The following PPP1R42 variants were observed in gnomAD, a reference collection of about 807,000 sequenced individuals.
PPP1R42 encodes protein phosphatase 1 regulatory subunit 42, also known as leucine rich repeat containing 67.
In PPP1R42, 34 loss-of-function variants were observed where a neutral mutation model predicts 31.0. The ratio of observed to expected loss-of-function variants is 1.10; its 90% CI spans 0.83 to 1.46. The LOEUF is 1.46. PPP1R42 is among the 40% of genes most tolerant of loss of function. The pLI, the probability that PPP1R42 is intolerant of heterozygous loss-of-function variation, is 0.00. For synonymous variants in PPP1R42, 103 were observed against 109.8 expected, an observed-to-expected ratio of 0.94 and a Z score of 0.39; for missense variants, 268 against 303.0, an observed-to-expected ratio of 0.88 and a Z score of 0.86.
intron 7 of PPP1R42, among the ~76,000 whole-genome samples, chr8:66,974,324 G>A (rs1355875413): frequency 6.6e-6 from 1 of 152,156 alleles, no homozygotes; most frequent in African/African-American, 2.4e-5. Context: ...GGGGGCTGAG[G>A]CAGGTGGATC....
Position 66,985,553 on chromosome 8 carries a change from T to C in PPP1R42, c.670+2847A>G, listed in dbSNP as rs1178547242. The C allele has an allele frequency of 3.0e-6, 4 of 1,324,110 alleles. No homozygotes were observed. The Admixed American group carries it at 6.8e-5, about 22-fold the overall frequency. 82.0% of individuals were successfully genotyped at this position (1,324,110 alleles called of 1,614,324 possible). A position where few individuals can be genotyped will look rare whatever the true frequency, so the allele number is the denominator to read the frequency against. On this transcript the variant is annotated intron_variant, in intron 6 of 7. Coordinates refer to ENST00000685739, the MANE Select transcript of PPP1R42 (RefSeq NM_001364910.1). ...TTAGACGGGCCCACCATGTTGGCAT[T>C]GCTGATGAGTCCTGGCTTCAGTGCC...
chr8:67,001,141 T>C lies in PPP1R42; in HGVS notation c.552+9574A>G, dbSNP rs186758423. Among the ~76,000 whole-genome samples, 9 of 151,920 alleles carry C rather than the reference T, an allele frequency of 5.9e-5. No individual in the cohort carries two copies. The East Asian group carries it at 1.7e-3, about 29-fold the overall frequency. ...TTTCATTTTTCATATTATTTGTGTTTGCAGTATATTTTTTTCATAATTTTA... is the reference window on the plus strand; with the variant it reads ...TTTCATTTTTCATATTATTTGTGTTCGCAGTATATTTTTTTCATAATTTTA... On this transcript the variant is annotated intron_variant, in intron 5 of 7. Transcript: ENST00000685739.
At chr8:67,011,872 GA>G in intron 4 of PPP1R42, among the ~76,000 whole-genome samples, 1 of 152,152 alleles carries the variant, frequency 6.6e-6, no homozygotes, top group South Asian at 2.1e-4. Context: ...CCAACCTTTA[GA>G]AAAAATATTT....
chr8:66,990,224 T>C (rs752509206), intron 5 of PPP1R42, among the ~76,000 whole-genome samples: 3 of 152,216 alleles, frequency 2.0e-5, no homozygotes, highest in Non-Finnish European at 2.9e-5. Context: ...AGGGATTATG[T>C]ATCACATTTT....
chr8:66,975,031 T>G (rs1223273948), intron 7 of PPP1R42, among the ~76,000 whole-genome samples: 3 of 152,204 alleles, frequency 2.0e-5, no homozygotes, highest in Non-Finnish European at 4.4e-5. Context: ...AAAAATGCAA[T>G]TGGGATTTTG....
chr8:67,018,365 G>A (rs1816083321), intron 1 of PPP1R42, among the ~76,000 whole-genome samples: 1 of 151,596 alleles, frequency 6.6e-6, no homozygotes, highest in East Asian at 2.0e-4. Flanking sequence ...CAATTGGCCC[G>A]CCTCGGCCTC....
intron 7 of PPP1R42, among the ~76,000 whole-genome samples, chr8:66,976,465 A>T (rs1057329817): frequency 3.3e-5 from 5 of 152,176 alleles, no homozygotes; most frequent in Non-Finnish European, 7.3e-5. Context: ...GACAGCTGCT[A>T]TAGAACTCTA....
intron 7 of PPP1R42, chr8:66,970,908 C>T (rs1233318013): frequency 1.8e-6 from 2 of 1,113,016 alleles, no homozygotes; most frequent in South Asian, 1.3e-5. Flanking sequence ...GCCTCTGTTC[C>T]TCTTTGTTTA....
chr8:67,004,054 C>T (rs1301912564), intron 5 of PPP1R42, among the ~76,000 whole-genome samples: 3 of 150,448 alleles, frequency 2.0e-5, no homozygotes, highest in Admixed American at 2.0e-4. Context: ...GGCACCACTG[C>T]ACTCCAGCCT....
intron 7 of PPP1R42, among the ~76,000 whole-genome samples, chr8:66,978,800 C>T (rs920684014): frequency 2.6e-5 from 4 of 152,116 alleles, no homozygotes; most frequent in African/African-American, 9.7e-5. Flanking sequence ...TGATTTGCAT[C>T]CTGATGATTA....
At chr8:66,972,235 C>T (rs745352837) in intron 7 of PPP1R42, among the ~76,000 whole-genome samples, 21 of 152,188 alleles carry the variant, frequency 1.4e-4, no homozygotes, top group Non-Finnish European at 2.6e-4. Context: ...AGGTTTGTAC[C>T]ATCTGTTTGG....
At chr8:66,991,517 T>C (rs964834635) in intron 5 of PPP1R42, among the ~76,000 whole-genome samples, 1 of 152,230 alleles carries the variant, frequency 6.6e-6, no homozygotes, top group Admixed American at 6.5e-5. Flanking sequence ...TCTTTCGCCT[T>C]CTCTTCAGTG....
In PPP1R42 at chr8:67,007,181, G is replaced by A. The variant is rs551679448; in HGVS notation, c.552+3534C>T. 1.5e-3 allele frequency among the ~76,000 whole-genome samples: 223 copies of A among 152,018 alleles called. 1 individual carries two copies. The highest frequency in any genetic ancestry group is 2.8e-3 in the Non-Finnish European group (187 of 67,936). On this transcript the variant is annotated intron_variant, in intron 5 of 7. Transcript: ENST00000685739. ...GCGTGAGCCACTGTGCCTGGCCGAG[G>A]GTAGAGACTTTGTCTTATTTATCAT...
intron 6 of PPP1R42, chr8:66,985,360 G>A (rs528632033): frequency 2.5e-5 from 19 of 762,660 alleles, no homozygotes; most frequent in African/African-American, 1.2e-4. Context: ...GGTTCCCTCC[G>A]AAGAGGGAAC....
chr8:67,018,814 G>GCCCCC (rs55943057), intron 1 of PPP1R42, among the ~76,000 whole-genome samples: 1 of 3,648 alleles, frequency 2.7e-4, no homozygotes, highest in Non-Finnish European at 5.4e-4. Flanking sequence ...CCTGGCCCCC[G>GCCCCC]CCCCCCCCCC....
intron 4 of PPP1R42, among the ~76,000 whole-genome samples, chr8:67,011,707 T>G (rs1563429590): frequency 6.6e-6 from 1 of 152,224 alleles, no homozygotes; most frequent in Non-Finnish European, 1.5e-5. Context: ...ATTTCAGTGT[T>G]GCTGTAACAC....
At chr8:66,970,917 T>G (rs1049868679) in intron 7 of PPP1R42, 8 of 1,183,634 alleles carry the variant, frequency 6.8e-6, no homozygotes, top group Non-Finnish European at 8.5e-6. Flanking sequence ...CCTCTTTGTT[T>G]ACTGTGAAGA....
rs1371072498 is a variant in PPP1R42 at position 66,982,110 on chromosome 8, A to T, written c.741T>A (p.Asp247Glu). 3.3e-6 allele frequency: 5 copies of T among 1,494,918 alleles called. No individual in the cohort carries two copies. The East Asian group carries it at 1.3e-4, about 38-fold the overall frequency. The allele number at this position is 1,494,918 out of a possible 1,614,324, so 92.6% of individuals were successfully genotyped here. Residue 247 changes from aspartate to glutamate, a missense_variant, in exon 7 of 8, where the codon GAT (aspartate) becomes GAA (glutamate). Physicochemically the swap from Asp to Glu is conservative, Grantham distance 45. Transcript: ENST00000685739. Reference protein sequence around the residue: ...QFLMNWKASKDAKKISKKRSS... With the variant: ...QFLMNWKASKEAKKISKKRSS... ...TCCTTTTTTTGCTGATTTTCTTGGC[A>T]TCTTTGGATGCTTTCCAATTCATTA...
chr8:66,971,615 T>C (rs955191416), intron 7 of PPP1R42, among the ~76,000 whole-genome samples: 1 of 152,184 alleles, frequency 6.6e-6, no homozygotes. Context: ...TGGCATATTC[T>C]TGGACACATT....
Sources: allele counts gnomAD v4.1 joint callset (sites outside exome capture counted in the v4.1 genomes callset), GRCh38; gene constraint gnomAD v4.1.1; transcripts MANE v1.5; gene names NCBI Gene and HGNC (gene_info 2026-07-23, HGNC 2026-07-21).